MAGEC3: variants seen among roughly 807,000 people sequenced by gnomAD.
MAGEC3 encodes melanoma-associated antigen C3.
Under a neutral mutation model 35.3 loss-of-function variants are expected in MAGEC3, and 34 were observed. That is an observed-to-expected ratio of 0.96 (90% CI 0.73 to 1.28). The LOEUF (loss-of-function observed/expected upper bound fraction) is 1.28, where lower values mean the gene tolerates loss of function less well. Ranked by LOEUF, MAGEC3 falls within the 50% of genes most tolerant of loss-of-function variation. MAGEC3 has a pLI of 0.00. For missense variants in MAGEC3, 561 were observed against 483.6 expected (o/e 1.16, Z -1.50); for synonymous variants, 202 against 185.6 (o/e 1.09, Z -0.72).
chrX:141,882,837 T>C (rs1403614919), intron 4 of MAGEC3, among the ~76,000 whole-genome samples: 1 of 111,582 alleles, frequency 9.0e-6, no homozygotes, highest in Non-Finnish European at 1.9e-5. Context: ...TCTACAATCA[T>C]AAGTTTCAAA....
At chrX:141,856,163 TAGAA>T (rs998254441) in intron 1 of MAGEC3, among the ~76,000 whole-genome samples, 4 of 111,462 alleles carry the variant, frequency 3.6e-5, no homozygotes, top group African/African-American at 1.3e-4. Context: ...TTTCATAACT[TAGAA>T]AGCGAAAGAC....
chrX:141,897,048 G>A lies in MAGEC3; in HGVS notation c.1290G>A (p.Glu430=). 8.3e-7 allele frequency: 1 copy of A among 1,211,533 alleles called. No homozygotes were observed. Among genetic ancestry groups the A allele is most frequent in the Middle Eastern group, 2.3e-4 (1 of 4,320 alleles). ...SSPLLWTRLD[E]ESSSEEEDTA... is the part of the protein sequence containing the mutation. The stretch of plus-strand genomic sequence containing the variant: ...CTCTTTTGTGGACCCGATTGGATGA[G>A]GAGTCCAGCAGTGAAGAGGAGGATA... Residue 430 remains glutamate, a synonymous_variant, in exon 7 of 8, where the codon GAG becomes GAA. Coordinates refer to ENST00000298296, the MANE Select transcript of MAGEC3 (RefSeq NM_138702.1).
At position 141,863,496 on chromosome X, in the gene MAGEC3, A is replaced by G. The variant is rs770048403; in HGVS notation, c.124-1975A>G. ...TTAGTTAATAATAATATATTAACATACATTCATCAATTGCAGTACGTGTAC... is the reference window on the plus strand; with the variant it reads ...TTAGTTAATAATAATATATTAACATGCATTCATCAATTGCAGTACGTGTAC... On this transcript the variant is annotated intron_variant, in intron 1 of 7. Coordinates refer to ENST00000298296, the MANE Select transcript of MAGEC3 (RefSeq NM_138702.1). 8.9e-5 allele frequency among the ~76,000 whole-genome samples: 10 copies of G among 112,155 alleles called. No individual in the cohort carries two copies. The East Asian group carries it at 2.2e-3, about 25-fold the overall frequency.
chrX:141,842,221 T>C (rs1462251401), intron 1 of MAGEC3, among the ~76,000 whole-genome samples: 2 of 111,778 alleles, frequency 1.8e-5, no homozygotes, highest in Admixed American at 9.5e-5. Context: ...GCATAAAATA[T>C]AAGTACAACT....
At chrX:141,863,640 C>T (rs999346975) in intron 1 of MAGEC3, among the ~76,000 whole-genome samples, 6 of 110,947 alleles carry the variant, frequency 5.4e-5, no homozygotes, top group Non-Finnish European at 1.1e-4. Context: ...GAACATAAAG[C>T]CTATTCATTT....
intron 1 of MAGEC3, among the ~76,000 whole-genome samples, chrX:141,862,872 T>C (rs184987527): frequency 0.021 from 2,348 of 111,551 alleles, 15 homozygotes; most frequent in Middle Eastern, 0.037. Context: ...TAGTTTCTAA[T>C]GTTGACTGCA....
intron 1 of MAGEC3, among the ~76,000 whole-genome samples, chrX:141,853,575 A>T (rs2017763598): frequency 8.9e-6 from 1 of 112,084 alleles, no homozygotes. Context: ...TTTTTCTGCT[A>T]AATTTATTTC....
intron 1 of MAGEC3, chrX:141,839,751 T>G: frequency 1.9e-5 from 14 of 738,761 alleles, no homozygotes; most frequent in Non-Finnish European, 2.2e-5. Context: ...TTACTGTTCT[T>G]AACTCAGTGG....
At chrX:141,888,577 G>A (rs769126147) in intron 4 of MAGEC3, among the ~76,000 whole-genome samples, 1 of 112,404 alleles carries the variant, frequency 8.9e-6, no homozygotes, top group South Asian at 3.7e-4. Context: ...GGTGACCTCA[G>A]CAGAGGAGCA....
At chrX:141,879,679 T>A (rs1415203402) in intron 3 of MAGEC3, among the ~76,000 whole-genome samples, 1 of 109,674 alleles carries the variant, frequency 9.1e-6, no homozygotes, top group Non-Finnish European at 1.9e-5. Context: ...GAGTCTGAAG[T>A]ATTTGAGGCA....
intron 1 of MAGEC3, among the ~76,000 whole-genome samples, chrX:141,844,273 T>C (rs761727732): frequency 4.8e-4 from 53 of 111,282 alleles, no homozygotes; most frequent in African/African-American, 1.6e-3. Context: ...GAATATGTCA[T>C]TGTTTCACCC....
At chrX:141,873,352 A>C (rs1327209833) in intron 2 of MAGEC3, among the ~76,000 whole-genome samples, 1 of 110,784 alleles carries the variant, frequency 9.0e-6, no homozygotes, top group Non-Finnish European at 1.9e-5. Context: ...ATTAAGGCGC[A>C]CTGTTTTACT....
chrX:141,843,193 A>G (rs1006358933), intron 1 of MAGEC3, among the ~76,000 whole-genome samples: 1 of 111,920 alleles, frequency 8.9e-6, no homozygotes, highest in East Asian at 2.8e-4. Context: ...AGCTTTATAC[A>G]TACAACAGCT....
chrX:141,872,002 G>A (rs777389744), intron 2 of MAGEC3, among the ~76,000 whole-genome samples: 1 of 110,148 alleles, frequency 9.1e-6, no homozygotes, highest in African/African-American at 3.3e-5. Flanking sequence ...GAATTTTGGA[G>A]AAAGGGGTTT....
At chrX:141,862,248 A>T (rs2017819562) in intron 1 of MAGEC3, among the ~76,000 whole-genome samples, 1 of 111,954 alleles carries the variant, frequency 8.9e-6, no homozygotes, top group South Asian at 3.7e-4. Context: ...ATCTTACCAT[A>T]GGTAGAATGC....
At chrX:141,879,723 A>C (rs1479933776) in intron 3 of MAGEC3, among the ~76,000 whole-genome samples, 1 of 110,887 alleles carries the variant, frequency 9.0e-6, no homozygotes, top group Non-Finnish European at 1.9e-5. Flanking sequence ...ATCAGCAGAC[A>C]GAAGACTCTT....
At chrX:141,852,294 C>T (rs907738019) in intron 1 of MAGEC3, among the ~76,000 whole-genome samples, 1 of 110,215 alleles carries the variant, frequency 9.1e-6, no homozygotes, top group African/African-American at 3.3e-5. Context: ...ATTCTGAAAC[C>T]TTGCTGAGCT....
chrX:141,847,701 G>T (rs1328522827), intron 1 of MAGEC3, among the ~76,000 whole-genome samples: 3 of 111,022 alleles, frequency 2.7e-5, no homozygotes, highest in Non-Finnish European at 5.7e-5. Context: ...AATTTATGGG[G>T]TCTGGCTAAA....
At position 141,893,393 on chromosome X, in the gene MAGEC3, G is replaced by A. The variant is rs572678091; in HGVS notation, c.910-1876G>A. 2.0e-4 allele frequency among the ~76,000 whole-genome samples: 22 copies of A among 111,254 alleles called. No individual in the cohort carries two copies. In the South Asian group the frequency reaches 7.7e-3, roughly 39 times the overall value. Reference sequence around the variant, plus strand: ...ATATCAGTGGTTTCCGGAGGCTGAGGAGTTAGGGTTGGGGCAAGGGGGATT... The same window carrying A: ...ATATCAGTGGTTTCCGGAGGCTGAGAAGTTAGGGTTGGGGCAAGGGGGATT... On this transcript the variant is annotated intron_variant, in intron 4 of 7. Transcript: ENST00000298296.
Sources: gnomAD v4.1 joint callset for allele counts (sites outside exome capture counted in the v4.1 genomes callset) on GRCh38, gnomAD v4.1.1 for gene constraint, MANE v1.5 for transcripts, NCBI Gene and HGNC (gene_info 2026-07-23, HGNC 2026-07-21) for gene names.